Variants in PALLD observed in about 807,000 individuals in gnomAD.
The protein encoded by PALLD is palladin.
PALLD carries 61 observed loss-of-function variants against 123.5 expected under a neutral mutation model. The observed-to-expected ratio is 0.49, with a 90% CI of 0.40 to 0.61. The LOEUF is 0.61. Ranked by LOEUF, PALLD falls within the 20% of genes least tolerant of loss-of-function variation. The pLI, the probability that PALLD is intolerant of heterozygous loss-of-function variation, is 0.00. For synonymous variants in PALLD, 465 were observed against 496.4 expected, an observed-to-expected ratio of 0.94 and a Z score of 0.84; for missense variants, 1,273 against 1,377.0, an observed-to-expected ratio of 0.92 and a Z score of 1.20.
chr4:168,581,572 C>T (rs1236930155), intron 2 of PALLD, among the ~76,000 whole-genome samples: 4 of 151,932 alleles, frequency 2.6e-5, no homozygotes, highest in African/African-American at 7.3e-5. Context: ...AAGTCCTTTG[C>T]CCATTTCTAA....
chr4:168,567,542 G>GTTGTGTGTGTGTGT (rs150508313), intron 2 of PALLD, among the ~76,000 whole-genome samples: 1 of 145,514 alleles, frequency 6.9e-6, no homozygotes, highest in Non-Finnish European at 1.5e-5. Context: ...AAGAAAATGT[G>GTTGTGTGTGTGTGT]GTGTGTGTGT....
chr4:168,598,471 G>A (rs1057483617), intron 2 of PALLD: 1 of 585,280 alleles, frequency 1.7e-6, no homozygotes, highest in African/African-American at 1.9e-5. Flanking sequence ...CTGCAAAGGT[G>A]TTAGCAGAGA....
intron 2 of PALLD, among the ~76,000 whole-genome samples, chr4:168,661,775 G>A (rs868758152): frequency 3.3e-5 from 5 of 152,166 alleles, no homozygotes; most frequent in Non-Finnish European, 7.3e-5. Flanking sequence ...AAAGCCAAAA[G>A]CATTAAGGAA....
In PALLD at chr4:168,915,968, T is replaced by C. The variant is rs1760001638; in HGVS notation, c.2791T>C (p.Leu931=). Residue 931 remains leucine, a synonymous_variant, in exon 17 of 22, where the codon TTG becomes CTG. Coordinates refer to ENST00000505667, the MANE Select transcript of PALLD (RefSeq NM_001166108.2). ...GGAGCGATTCTTCAGACCTCACTTC[T>C]TGCAGGCTCCTGGAGATCTGACTGT... ...IQERFFRPHF[L]QAPGDLTVQE... 1 of 1,613,690 alleles carries C rather than the reference T, an allele frequency of 6.2e-7. No homozygotes were observed. The highest frequency in any genetic ancestry group is 2.2e-5 in the East Asian group (1 of 44,882).
In PALLD at chr4:168,553,020, A is replaced by G. The variant is rs564679494; in HGVS notation, c.908+40608A>G. ...GCTAATACTTCATATGCTGGGCAACATCCAACAACCTATAACCCTACAAAC... is the reference window on the plus strand; with the variant it reads ...GCTAATACTTCATATGCTGGGCAACGTCCAACAACCTATAACCCTACAAAC... On this transcript the variant is annotated intron_variant, in intron 2 of 21. Transcript: ENST00000505667. 3.3e-5 allele frequency among the ~76,000 whole-genome samples: 5 copies of G among 152,202 alleles called. 1 individual carries two copies. The highest frequency in any genetic ancestry group is 1.2e-4 in the African/African-American group (5 of 41,532).
chr4:168,558,269 T>C (rs1366479403), intron 2 of PALLD, among the ~76,000 whole-genome samples: 1 of 152,194 alleles, frequency 6.6e-6, no homozygotes, highest in Non-Finnish European at 1.5e-5. Flanking sequence ...AGCGCTTCCC[T>C]GGCTCCTCCA....
chr4:168,586,153 TAAAAAAA>T (rs35474736), intron 2 of PALLD, among the ~76,000 whole-genome samples: 1 of 75,518 alleles, frequency 1.3e-5, no homozygotes, highest in Non-Finnish European at 2.5e-5. Context: ...TCAAGAGACC[TAAAAAAA>T]AAAAAAAAAA....
intron 10 of PALLD, among the ~76,000 whole-genome samples, chr4:168,786,186 G>T (rs761705107): frequency 8.6e-5 from 13 of 151,146 alleles, no homozygotes; most frequent in Non-Finnish European, 1.9e-4. Context: ...AAATTAGCTG[G>T]GCGTGGTGGT....
intron 3 of PALLD, among the ~76,000 whole-genome samples, chr4:168,668,695 C>T (rs977617579): frequency 6.6e-6 from 1 of 152,108 alleles, no homozygotes; most frequent in African/African-American, 2.4e-5. Context: ...CCATATCAAG[C>T]AAAGTTAAAC....
chr4:168,790,701 A>G (rs1737392754), intron 10 of PALLD, among the ~76,000 whole-genome samples: 1 of 152,030 alleles, frequency 6.6e-6, no homozygotes, highest in Non-Finnish European at 1.5e-5. Flanking sequence ...TGTTTTAATT[A>G]TTGTACCTTT....
In PALLD at chr4:168,890,982, C is replaced by G. The variant is rs1754076675; in HGVS notation, c.2025C>G (p.Gly675=). 2 of 1,613,864 alleles carry G rather than the reference C, an allele frequency of 1.2e-6. No homozygotes were observed. The highest frequency in any genetic ancestry group is 4.5e-5 in the East Asian group (2 of 44,880). Residue 675 remains glycine (G), a synonymous_variant, in exon 11 of 22, where the codon GGC becomes GGG. Coordinates refer to ENST00000505667, the MANE Select transcript of PALLD (RefSeq NM_001166108.2). ...ARIASDEEIQ[G]TKDAVIQDLE... Reference sequence around the variant, plus strand: ...TAGCCTCCGATGAGGAAATTCAAGGCACAAAGGATGCTGTTATTCAAGACC... The same window carrying G: ...TAGCCTCCGATGAGGAAATTCAAGGGACAAAGGATGCTGTTATTCAAGACC...
In PALLD at chr4:168,730,843, C is replaced by A. The variant is rs138164224; in HGVS notation, c.1964+18920C>A. Among the ~76,000 whole-genome samples the A allele has an allele frequency of 1.2e-3, 178 of 152,200 alleles. 1 individual carries two copies. In the East Asian group the frequency reaches 0.019, roughly 16 times the overall value. ...ACATATGCATCCATCTAATTCCTTA[C>A]CCCCATTTTTCACCCTCTTCTCTTA... On this transcript the variant is annotated intron_variant, in intron 10 of 21. Transcript: ENST00000505667.
At chr4:168,880,855 C>T (rs75227472) in intron 10 of PALLD, among the ~76,000 whole-genome samples, 25 of 152,200 alleles carry the variant, frequency 1.6e-4, no homozygotes, top group Non-Finnish European at 2.6e-4. Context: ...TTTTCACTTG[C>T]CTTGTTTTAC....
chr4:168,668,677 T>C (rs531854371), intron 3 of PALLD, among the ~76,000 whole-genome samples: 36 of 152,318 alleles, frequency 2.4e-4, no homozygotes, highest in African/African-American at 8.7e-4. Flanking sequence ...AGAAACACAA[T>C]TGAAATACCA....
intron 3 of PALLD, among the ~76,000 whole-genome samples, chr4:168,675,505 A>G (rs1022889090): frequency 6.6e-6 from 1 of 152,166 alleles, no homozygotes; most frequent in African/African-American, 2.4e-5. Flanking sequence ...CTGGGTTTTG[A>G]AAACTTTTGG....
At chr4:168,917,343 C>G (rs1019800378) in intron 17 of PALLD, among the ~76,000 whole-genome samples, 4 of 152,166 alleles carry the variant, frequency 2.6e-5, no homozygotes, top group Admixed American at 2.6e-4. Flanking sequence ...CCACCACACC[C>G]GGCCTACAGC....
At chr4:168,694,185 T>C (rs1782916817) in intron 8 of PALLD, among the ~76,000 whole-genome samples, 1 of 152,202 alleles carries the variant, frequency 6.6e-6, no homozygotes, top group African/African-American at 2.4e-5. Flanking sequence ...TAGAAGTATG[T>C]AGGAACCGGC....
chr4:168,852,305 A>G (rs1024482394), intron 10 of PALLD, among the ~76,000 whole-genome samples: 1 of 152,210 alleles, frequency 6.6e-6, no homozygotes, highest in African/African-American at 2.4e-5. Flanking sequence ...ATGTGGCTTC[A>G]TGAAGGCAAG....
chr4:168,856,027 C>A (rs1748558807), intron 10 of PALLD, among the ~76,000 whole-genome samples: 1 of 152,188 alleles, frequency 6.6e-6, no homozygotes, highest in African/African-American at 2.4e-5. Flanking sequence ...TTTGGAGTAC[C>A]CAGTGTCTGT....
Sources: allele counts gnomAD v4.1 joint callset (sites outside exome capture counted in the v4.1 genomes callset), GRCh38; gene constraint gnomAD v4.1.1; transcripts MANE v1.5; gene names NCBI Gene and HGNC (gene_info 2026-07-23, HGNC 2026-07-21).